GRIK1: variants seen among roughly 807,000 people sequenced by gnomAD.
The protein encoded by GRIK1 is glutamate ionotropic receptor kainate type subunit 1.
Under a neutral mutation model 105.7 loss-of-function variants are expected in GRIK1, and 69 were observed. That is an observed-to-expected ratio of 0.65 (90% CI 0.54 to 0.80). GRIK1 has a LOEUF of 0.80. GRIK1 is among the 30% of genes least tolerant of loss of function. GRIK1 has a pLI of 0.00. For missense variants in GRIK1, 1,109 were observed against 1,167.3 expected (o/e 0.95, Z 0.73); for synonymous variants, 438 against 431.3 (o/e 1.02, Z -0.19).
chr21:29,708,976 A>G (rs1030533321), intron 1 of GRIK1, among the ~76,000 whole-genome samples: 2 of 152,136 alleles, frequency 1.3e-5, no homozygotes, highest in African/African-American at 2.4e-5. Context: ...AATCCATTTG[A>G]AATATCTTGA....
intron 8 of GRIK1, 130 bp from the exon 9 acceptor site, chr21:29,596,700 C>T (rs1309288189): frequency 3.8e-5 from 28 of 745,122 alleles, no homozygotes; most frequent in Non-Finnish European, 3.4e-5. Flanking sequence ...GAATTTGCAT[C>T]TTAATTCAAT....
chr21:29,931,693 C>A (rs979272932), intron 1 of GRIK1, among the ~76,000 whole-genome samples: 1 of 152,030 alleles, frequency 6.6e-6, no homozygotes, highest in Admixed American at 6.6e-5. Flanking sequence ...TTCTGAGGAG[C>A]TCTAGGTGCC....
chr21:29,779,392 T>C (rs559321091), intron 1 of GRIK1, among the ~76,000 whole-genome samples: 2 of 150,810 alleles, frequency 1.3e-5, no homozygotes, highest in African/African-American at 2.4e-5. Context: ...GTTTGGAGGC[T>C]TATGTGTGTA....
chr21:29,884,075 A>T (rs763729591), intron 1 of GRIK1, among the ~76,000 whole-genome samples: 1 of 152,018 alleles, frequency 6.6e-6, no homozygotes, highest in African/African-American at 2.4e-5. Flanking sequence ...TTATACAGGG[A>T]AACACATTGT....
intron 4 of GRIK1, among the ~76,000 whole-genome samples, chr21:29,661,339 T>C (rs150084844): frequency 3.3e-4 from 51 of 152,324 alleles, no homozygotes; most frequent in African/African-American, 1.1e-3. Flanking sequence ...TACCTGGAGA[T>C]GGATTTTACA....
At chr21:29,762,121 C>T (rs1025315326) in intron 1 of GRIK1, among the ~76,000 whole-genome samples, 9 of 152,194 alleles carry the variant, frequency 5.9e-5, no homozygotes, top group African/African-American at 2.2e-4. Flanking sequence ...ATTTTTGAAA[C>T]TTGGAGATTT....
chr21:29,807,925 C>G (rs1176502821), intron 1 of GRIK1, among the ~76,000 whole-genome samples: 5 of 152,206 alleles, frequency 3.3e-5, no homozygotes, highest in African/African-American at 1.2e-4. Flanking sequence ...GTGATATGCA[C>G]TGGTATACCT....
At chr21:29,823,216 A>G (rs2067353723) in intron 1 of GRIK1, among the ~76,000 whole-genome samples, 1 of 152,008 alleles carries the variant, frequency 6.6e-6, no homozygotes, top group Non-Finnish European at 1.5e-5. Context: ...TATGTCTGTA[A>G]CTACATAATT....
chr21:29,897,360 A>G (rs1224076652), intron 1 of GRIK1, among the ~76,000 whole-genome samples: 5 of 152,216 alleles, frequency 3.3e-5, no homozygotes, highest in Non-Finnish European at 7.3e-5. Context: ...ACGTTGAAAT[A>G]TTATCTTAAA....
chr21:29,546,981 T>C (rs1194972504), intron 16 of GRIK1, among the ~76,000 whole-genome samples: 2 of 152,226 alleles, frequency 1.3e-5, no homozygotes, highest in African/African-American at 4.8e-5. Context: ...GAAGAAACAC[T>C]AAGTTACACT....
chr21:29,803,040 ATG>A (rs2066756239), intron 1 of GRIK1, among the ~76,000 whole-genome samples: 1 of 152,092 alleles, frequency 6.6e-6, no homozygotes, highest in Non-Finnish European at 1.5e-5. Flanking sequence ...TTATTACATA[ATG>A]CTGTAGTTTT....
chr21:29,903,630 C>T (rs2070495257), intron 1 of GRIK1, among the ~76,000 whole-genome samples: 2 of 152,108 alleles, frequency 1.3e-5, no homozygotes, highest in Admixed American at 6.5e-5. Flanking sequence ...AGTCAGGAAA[C>T]AACAGATGCT....
intron 1 of GRIK1, among the ~76,000 whole-genome samples, chr21:29,845,775 A>G (rs963129121): frequency 6.6e-6 from 1 of 151,736 alleles, no homozygotes; most frequent in African/African-American, 2.4e-5. Flanking sequence ...CTTTGAGATT[A>G]TTTTTCATTT....
chr21:29,541,183 GTC>G (rs2089963216), intron 16 of GRIK1, among the ~76,000 whole-genome samples: 3 of 152,250 alleles, frequency 2.0e-5, no homozygotes, highest in African/African-American at 7.2e-5. Context: ...GGCCGGGATG[GTC>G]TTGATCTCCT....
chr21:29,713,641 G>T (rs1001059538), intron 1 of GRIK1, among the ~76,000 whole-genome samples: 1 of 152,176 alleles, frequency 6.6e-6, no homozygotes, highest in Non-Finnish European at 1.5e-5. Flanking sequence ...AGTAAATCTT[G>T]ATTGGGGGTT....
At chr21:29,810,984 T>C (rs932251) in intron 1 of GRIK1, among the ~76,000 whole-genome samples, 5,380 of 152,188 alleles carry the variant, frequency 0.035, 205 homozygotes, top group East Asian at 0.1. Context: ...AAACAACCCT[T>C]CATGTTCCCC....
intron 1 of GRIK1, among the ~76,000 whole-genome samples, chr21:29,919,055 C>T (rs779362858): frequency 6.6e-6 from 1 of 151,876 alleles, no homozygotes; most frequent in African/African-American, 2.4e-5. Flanking sequence ...GAAGAAGAGG[C>T]ACTGAGACAT....
chr21:29,680,284 G>A (rs1230396696), intron 3 of GRIK1, among the ~76,000 whole-genome samples: 4 of 152,214 alleles, frequency 2.6e-5, no homozygotes, highest in African/African-American at 4.8e-5. Context: ...TGGAGATAAA[G>A]GAAAGAGGAC....
intron 1 of GRIK1, among the ~76,000 whole-genome samples, chr21:29,924,972 AG>A (rs1412157491): frequency 6.6e-6 from 1 of 152,186 alleles, no homozygotes; most frequent in Non-Finnish European, 1.5e-5. Context: ...AATGATGATG[AG>A]GTGACGTGCA....
Sources: gnomAD v4.1 joint callset for allele counts (sites outside exome capture counted in the v4.1 genomes callset) on GRCh38, gnomAD v4.1.1 for gene constraint, MANE v1.5 for transcripts, NCBI Gene and HGNC (gene_info 2026-07-23, HGNC 2026-07-21) for gene names.